HNRNPUL1: variants seen among roughly 807,000 people sequenced by gnomAD.
The protein encoded by HNRNPUL1 is heterogeneous nuclear ribonucleoprotein U like 1.
A neutral mutation model predicts 108.5 loss-of-function variants in HNRNPUL1; 14 were observed. The observed-to-expected ratio is 0.13, with a 90% CI of 0.09 to 0.20. The LOEUF is 0.20. Among genes scored for constraint, HNRNPUL1 ranks in the 10% least tolerant of loss-of-function variants. The pLI is 1.00. For synonymous variants in HNRNPUL1, 422 were observed against 445.2 expected, an observed-to-expected ratio of 0.95 and a Z score of 0.66; for missense variants, 804 against 1,168.3, an observed-to-expected ratio of 0.69 and a Z score of 4.55.
rs575914333 is a variant in HNRNPUL1, at chr19:41,266,565, C to T, written c.296-1658C>T. On this transcript the variant is annotated intron_variant, in intron 1 of 14. Transcript: ENST00000392006. The stretch of plus-strand genomic sequence containing the variant: ...TCGGCCTCCTGAAGTGCTGGGATTA[C>T]AGGCGTGAATCACTGCACCAGGCCT... Among the ~76,000 whole-genome samples, 4 of 152,178 alleles carry T rather than the reference C, an allele frequency of 2.6e-5. No homozygotes were observed. The East Asian group carries it at 7.7e-4, about 29-fold the overall frequency.
intron 3 of HNRNPUL1, among the ~76,000 whole-genome samples, chr19:41,273,356 C>G (rs1291892465): frequency 1.3e-5 from 2 of 152,228 alleles, no homozygotes; most frequent in Non-Finnish European, 2.9e-5. Context: ...CCCAGACTGT[C>G]CAGGCAGGAC....
intron 2 of HNRNPUL1, among the ~76,000 whole-genome samples, chr19:41,268,691 C>G (rs1482818393): frequency 6.6e-6 from 1 of 151,948 alleles, no homozygotes; most frequent in African/African-American, 2.4e-5. Flanking sequence ...AAACCCGTCT[C>G]TACTAAAAAT....
chr19:41,270,747 C>G (rs1336617259), intron 2 of HNRNPUL1, among the ~76,000 whole-genome samples: 2 of 151,986 alleles, frequency 1.3e-5, no homozygotes, highest in Admixed American at 6.6e-5. Context: ...GGGCGTGCCA[C>G]CACACCCAGC....
At chr19:41,277,718 G>T (rs1343568210) in intron 5 of HNRNPUL1, among the ~76,000 whole-genome samples, 1 of 152,112 alleles carries the variant, frequency 6.6e-6, no homozygotes, top group African/African-American at 2.4e-5. Flanking sequence ...TGTTGATCAG[G>T]CTGGGCTTGA....
chr19:41,270,716 C>T (rs570619711), intron 2 of HNRNPUL1, among the ~76,000 whole-genome samples: 20 of 151,770 alleles, frequency 1.3e-4, no homozygotes, highest in African/African-American at 4.8e-4. Flanking sequence ...CTGCCTCAGC[C>T]TCCTAAGTAG....
At chr19:41,270,359 C>T (rs1025929335) in intron 2 of HNRNPUL1, among the ~76,000 whole-genome samples, 9 of 151,970 alleles carry the variant, frequency 5.9e-5, no homozygotes, top group African/African-American at 2.2e-4. Flanking sequence ...GCCATGATGG[C>T]AGCACTGCAT....
intron 2 of HNRNPUL1, among the ~76,000 whole-genome samples, chr19:41,269,722 G>C (rs1463896537): frequency 6.6e-6 from 1 of 152,142 alleles, no homozygotes; most frequent in East Asian, 1.9e-4. Context: ...AGGATCACTT[G>C]AGCCCAGGAG....
chr19:41,281,390 CT>C (rs752657216), intron 7 of HNRNPUL1, 115 bp downstream of exon 7: 24 of 671,440 alleles, frequency 3.6e-5, no homozygotes, highest in Non-Finnish European at 6.4e-5. Context: ...CGCCATACTT[CT>C]TTGTCTCTGC....
chr19:41,283,303 A>G (rs936307215), intron 7 of HNRNPUL1, among the ~76,000 whole-genome samples: 1 of 152,036 alleles, frequency 6.6e-6, no homozygotes, highest in African/African-American at 2.4e-5. Flanking sequence ...TTTTGAAGAC[A>G]GATTATTTTC....
At chr19:41,275,336 A>T (rs917027824) in intron 4 of HNRNPUL1, among the ~76,000 whole-genome samples, 1 of 152,030 alleles carries the variant, frequency 6.6e-6, no homozygotes, top group African/African-American at 2.4e-5. Flanking sequence ...AAAATATAAA[A>T]ATCACCCTGG....
intron 8 of HNRNPUL1, among the ~76,000 whole-genome samples, chr19:41,293,188 G>A (rs368728512): frequency 2.6e-4 from 39 of 152,244 alleles, no homozygotes; most frequent in African/African-American, 9.1e-4. Context: ...AGTTATTTAT[G>A]CTTGTTCTAG....
In HNRNPUL1 at chr19:41,268,356, A is replaced by G. The variant is rs534380412; in HGVS notation, c.418+11A>G. The G allele has an allele frequency of 2.5e-6, 4 of 1,612,750 alleles. No individual in the cohort carries two copies. Among genetic ancestry groups the G allele is most frequent in the African/African-American group, 2.7e-5 (2 of 74,960 alleles). Reference sequence around the variant, plus strand: ...AGGCCTATCGTCCAGGTAGGAAAATACACATGGTTCATCTCTTTGGATGGA... The same window carrying G: ...AGGCCTATCGTCCAGGTAGGAAAATGCACATGGTTCATCTCTTTGGATGGA... On this transcript the variant is annotated intron_variant, in intron 2 of 14. Coordinates refer to ENST00000392006, the MANE Select transcript of HNRNPUL1 (RefSeq NM_007040.6).
chr19:41,305,520 TCTC>T (rs2037490417), intron 13 of HNRNPUL1, 153 bp from the exon 14 acceptor site: 7 of 883,646 alleles, frequency 7.9e-6, no homozygotes, highest in Admixed American at 2.2e-5. Flanking sequence ...TGGAGCTGGC[TCTC>T]CTCCTTCTCA....
Position 41,294,164 on chromosome 19 carries a change from C to A in HNRNPUL1, c.1267-174C>A, listed in dbSNP as rs926962014. Among the ~76,000 whole-genome samples the A allele has an allele frequency of 1.3e-5, 2 of 152,118 alleles. No individual in the cohort carries two copies. Among genetic ancestry groups the A allele is most frequent in the African/African-American group, 4.8e-5 (2 of 41,418 alleles). On this transcript the variant is annotated intron_variant, in intron 8 of 14. Coordinates refer to ENST00000392006, the MANE Select transcript of HNRNPUL1 (RefSeq NM_007040.6). The surrounding 1 kb of genome is among the most constrained non-coding windows in gnomAD (Gnocchi z 4.3). ...CCCAGGCACTGTGCTCAGAGTCTGA[C>A]AAGCCTGATCTTTTTGAATCCCGAT...
chr19:41,263,519 C>G (rs919781251), upstream of HNRNPUL1, among the ~76,000 whole-genome samples: 1 of 152,174 alleles, frequency 6.6e-6, no homozygotes, highest in Non-Finnish European at 1.5e-5. Context: ...CGCGGACTAC[C>G]CAAGGGAAGG....
chr19:41,268,288 G>A lies in HNRNPUL1; in HGVS notation c.361G>A (p.Glu121Lys), dbSNP rs115786240. The A allele has an allele frequency of 5.6e-6, 9 of 1,614,024 alleles. No individual in the cohort carries two copies. The highest frequency in any genetic ancestry group is 7.6e-6 in the Non-Finnish European group (9 of 1,179,966). Residue 121 changes from glutamate to lysine, a missense_variant, in exon 2 of 15, where the codon GAG (glutamate) becomes AAG (lysine). Glu to Lys is a moderately conservative substitution (Grantham distance 56). Coordinates refer to ENST00000392006, the MANE Select transcript of HNRNPUL1 (RefSeq NM_007040.6). ...TACCCAAGTCATCAAACAAGAAAAC[G>A]AGTCAGGCTACGAGAGGAGACCACT... ...YDTQVIKQEN[E>K]SGYERRPLEM...
upstream of HNRNPUL1, chr19:41,264,348 A>AG (rs1256097659): frequency 2.7e-5 from 15 of 551,556 alleles, no homozygotes; most frequent in Middle Eastern, 5.1e-4. Flanking sequence ...GGCACGAGTG[A>AG]GGGGGGAGGC....
At chr19:41,268,380 G>A (rs755739078) in intron 2 of HNRNPUL1, 35 bp downstream of exon 2, 8 of 1,605,878 alleles carry the variant, frequency 5.0e-6, no homozygotes, top group Admixed American at 1.7e-5. Flanking sequence ...TCTTTGGATG[G>A]AAACAATCTA....
In HNRNPUL1 at chr19:41,292,456, C is replaced by T; in HGVS notation, c.1211C>T (p.Pro404Leu). The part of the protein sequence containing the change: ...LPGFTFIQHL[P>L]LSERIRGTVG... ...GGGTTTACCTTCATCCAGCACCTTC[C>T]CCTTAGTGAGCGTATCCGGGGCACC... Residue 404 changes from proline (P) to leucine (L), a missense_variant, in exon 8 of 15, where the codon CCC becomes CTC. Transcript: ENST00000392006. The surrounding 1 kb of genome is among the most constrained non-coding windows in gnomAD (Gnocchi z 4.1). 1.9e-6 allele frequency: 3 copies of T among 1,614,050 alleles called. No individual in the cohort carries two copies. Among genetic ancestry groups the T allele is most frequent in the Non-Finnish European group, 2.5e-6 (3 of 1,179,934 alleles).
Sources: gnomAD v4.1 joint callset for allele counts (sites outside exome capture counted in the v4.1 genomes callset) on GRCh38, gnomAD v4.1.1 for gene constraint, Gnocchi (gnomAD v3.1) non-coding constraint, MANE v1.5 for transcripts, NCBI Gene and HGNC (gene_info 2026-07-23, HGNC 2026-07-21) for gene names.